The following FOXP2 variants were observed in gnomAD, a reference collection of about 807,000 sequenced individuals.
The protein encoded by FOXP2 is forkhead box protein P2.
In FOXP2, 12 loss-of-function variants were observed where a neutral mutation model predicts 115.8. That is an observed-to-expected ratio of 0.10 (90% CI 0.07 to 0.17). The LOEUF (loss-of-function observed/expected upper bound fraction) is 0.17, where lower values mean the gene tolerates loss of function less well. FOXP2 is among the 10% of genes least tolerant of loss of function. The pLI is 1.00. For synonymous variants in FOXP2, 328 were observed against 297.7 expected (o/e 1.10, Z -1.05); for missense variants, 629 against 843.5 (o/e 0.75, Z 3.15).
chr7:114,656,415 A>G (rs1198930641), intron 10 of FOXP2: 1 of 395,042 alleles, frequency 2.5e-6, no homozygotes, highest in Admixed American at 2.9e-5. Context: ...ATTGTTATGT[A>G]TATGTTCTGA....
At chr7:114,505,546 T>G (rs545614013) in intron 2 of FOXP2, among the ~76,000 whole-genome samples, 1 of 151,140 alleles carries the variant, frequency 6.6e-6, no homozygotes, top group African/African-American at 2.4e-5. Context: ...AAATAATAGG[T>G]GAAGTTAGGA....
At chr7:114,685,241 T>A (rs1024582733) in intron 16 of FOXP2, among the ~76,000 whole-genome samples, 1 of 152,208 alleles carries the variant, frequency 6.6e-6, no homozygotes, top group African/African-American at 2.4e-5. Flanking sequence ...TCACGTTAAA[T>A]AGTACCTACA....
chr7:114,504,195 T>C lies in FOXP2; in HGVS notation c.169-30422T>C, dbSNP rs774997503. Among the ~76,000 whole-genome samples the C allele has an allele frequency of 8.6e-5, 13 of 151,820 alleles. No individual in the cohort carries two copies. In the East Asian group the frequency reaches 2.5e-3, roughly 29 times the overall value. On this transcript the variant is annotated intron_variant, in intron 2 of 16. Coordinates refer to ENST00000350908, the MANE Select transcript of FOXP2 (RefSeq NM_014491.4). ...ATTCCATTTCTATGTTTTTCTAATT[T>C]ACTTGTCAAAATCTTACAGTCTGTA... is the stretch of plus-strand genomic sequence containing the variant.
chr7:114,164,800 C>T (rs1792932825), intron 1 of FOXP2, among the ~76,000 whole-genome samples: 1 of 152,108 alleles, frequency 6.6e-6, no homozygotes, highest in African/African-American at 2.4e-5. Context: ...TACCGTGCTC[C>T]CATTTATGGT....
intron 1 of FOXP2, among the ~76,000 whole-genome samples, chr7:114,094,385 C>T (rs1331053862): frequency 6.6e-6 from 1 of 152,140 alleles, no homozygotes; most frequent in Non-Finnish European, 1.5e-5. Context: ...ATACTTTGTT[C>T]ATATTTAAAA....
At chr7:114,090,279 A>C (rs1317255162) in intron 1 of FOXP2, among the ~76,000 whole-genome samples, 1 of 151,916 alleles carries the variant, frequency 6.6e-6, no homozygotes, top group Non-Finnish European at 1.5e-5. Flanking sequence ...GAATTCAGAA[A>C]TAGTGTCAAT....
chr7:114,470,149 T>C (rs966899800), intron 2 of FOXP2, among the ~76,000 whole-genome samples: 3 of 152,204 alleles, frequency 2.0e-5, no homozygotes, highest in Non-Finnish European at 4.4e-5. Flanking sequence ...CAAAATTGTC[T>C]CCTGGCTCCC....
chr7:114,481,468 A>C (rs945152525), intron 2 of FOXP2, among the ~76,000 whole-genome samples: 4 of 151,354 alleles, frequency 2.6e-5, no homozygotes, highest in Non-Finnish European at 4.4e-5. Context: ...CAAACTAATA[A>C]ATTTTCCCCA....
At chr7:114,473,560 C>G (rs890507004) in intron 2 of FOXP2, among the ~76,000 whole-genome samples, 6 of 152,134 alleles carry the variant, frequency 3.9e-5, no homozygotes, top group Admixed American at 2.0e-4. Flanking sequence ...CCTTAAAAAG[C>G]TTCTTATGAA....
At chr7:114,193,058 A>T (rs1317568682) in intron 1 of FOXP2, among the ~76,000 whole-genome samples, 10 of 152,132 alleles carry the variant, frequency 6.6e-5, no homozygotes, top group Non-Finnish European at 1.5e-4. Flanking sequence ...TTATATTAAC[A>T]TTATTTATAG....
At chr7:114,287,955 T>TA (rs1796506996) in intron 1 of FOXP2, 8 of 397,020 alleles carry the variant, frequency 2.0e-5, no homozygotes, top group South Asian at 1.5e-4. Context: ...GTCACTGCAC[T>TA]AATTGTGATG....
At chr7:114,367,784 A>G (rs879472890) in intron 2 of FOXP2, among the ~76,000 whole-genome samples, 1 of 152,178 alleles carries the variant, frequency 6.6e-6, no homozygotes, top group Non-Finnish European at 1.5e-5. Flanking sequence ...AAGTCGTGGA[A>G]CATCACCTCC....
chr7:114,477,274 A>G (rs1300777262), intron 2 of FOXP2, among the ~76,000 whole-genome samples: 1 of 152,054 alleles, frequency 6.6e-6, no homozygotes, highest in African/African-American at 2.4e-5. Flanking sequence ...CATCAGTGGT[A>G]GTTTGGACAA....
At chr7:114,194,168 T>G (rs976638840) in intron 1 of FOXP2, among the ~76,000 whole-genome samples, 1 of 152,144 alleles carries the variant, frequency 6.6e-6, no homozygotes, top group African/African-American at 2.4e-5. Flanking sequence ...TAAAATTAAT[T>G]TACAACTGCT....
At chr7:114,426,010 A>C (rs1793829382) in intron 1 of FOXP2, among the ~76,000 whole-genome samples, 1 of 151,724 alleles carries the variant, frequency 6.6e-6, no homozygotes, top group African/African-American at 2.4e-5. Flanking sequence ...ACACCCTTAC[A>C]AAATTTTAAT....
intron 2 of FOXP2, among the ~76,000 whole-genome samples, chr7:114,366,966 A>G (rs1454986303): frequency 3.3e-5 from 5 of 152,166 alleles, no homozygotes; most frequent in Admixed American, 3.3e-4. Context: ...GTCTGTTATT[A>G]GAATAAGGAA....
At chr7:114,143,079 T>C (rs779131716) in intron 1 of FOXP2, among the ~76,000 whole-genome samples, 7 of 150,908 alleles carry the variant, frequency 4.6e-5, no homozygotes, top group African/African-American at 7.3e-5. Flanking sequence ...GCCCAGGAGG[T>C]GAAGGCTGCC....
intron 2 of FOXP2, among the ~76,000 whole-genome samples, chr7:114,331,117 A>T (rs1444735172): frequency 6.6e-6 from 1 of 152,226 alleles, no homozygotes; most frequent in Non-Finnish European, 1.5e-5. Flanking sequence ...TAATTGGAGT[A>T]CAAATCTGAG....
chr7:114,451,052 C>A (rs1795052867), intron 2 of FOXP2, among the ~76,000 whole-genome samples: 1 of 152,134 alleles, frequency 6.6e-6, no homozygotes, highest in East Asian at 1.9e-4. Flanking sequence ...TAAAAGGTTT[C>A]AGGATTTGTT....
Sources: gnomAD v4.1 joint callset for allele counts (sites outside exome capture counted in the v4.1 genomes callset) on GRCh38, gnomAD v4.1.1 for gene constraint, MANE v1.5 for transcripts, NCBI Gene and HGNC (gene_info 2026-07-23, HGNC 2026-07-21) for gene names.